PJA2: variants seen among roughly 807,000 people sequenced by gnomAD.
The protein encoded by PJA2 is praja ring finger ubiquitin ligase 2, also known as E3 ubiquitin-protein ligase Praja-2.
A neutral mutation model predicts 69.3 loss-of-function variants in PJA2; 25 were observed. The observed-to-expected ratio is 0.36, with a 90% CI of 0.26 to 0.50. The LOEUF is 0.50. PJA2 is among the 20% of genes least tolerant of loss of function. The pLI, the probability that PJA2 is intolerant of heterozygous loss-of-function variation, is 0.96. For synonymous variants in PJA2, 308 were observed against 277.8 expected, an observed-to-expected ratio of 1.11 and a Z score of -1.08; for missense variants, 809 against 830.2, an observed-to-expected ratio of 0.97 and a Z score of 0.31.
At chr5:109,369,043 G>A (rs1463599459) in intron 4 of PJA2, among the ~76,000 whole-genome samples, 1 of 152,062 alleles carries the variant, frequency 6.6e-6, no homozygotes, top group Non-Finnish European at 1.5e-5. Context: ...ACCTGCTCCT[G>A]CCAAGTGAGA....
intron 1 of PJA2, among the ~76,000 whole-genome samples, chr5:109,403,281 G>A (rs1747603742): frequency 6.6e-6 from 1 of 152,068 alleles, no homozygotes; most frequent in Non-Finnish European, 1.5e-5. Context: ...CGCTCACTTA[G>A]TGAGTGAAAG....
chr5:109,344,100 CAAAAA>C (rs916556182), intron 9 of PJA2, 85 bp downstream of exon 9: 1,079 of 397,222 alleles, frequency 2.7e-3, no homozygotes, highest in South Asian at 4.4e-3. Flanking sequence ...TTTGTCTCAC[CAAAAA>C]AAAAAAAAAA....
At chr5:109,389,361 T>C (rs1251641664) in intron 1 of PJA2, among the ~76,000 whole-genome samples, 4 of 152,140 alleles carry the variant, frequency 2.6e-5, no homozygotes, top group East Asian at 1.9e-4. Flanking sequence ...TTTCTTTATA[T>C]GTCAGCTGAC....
At chr5:109,396,870 A>C (rs925068504) in intron 1 of PJA2, among the ~76,000 whole-genome samples, 16 of 152,144 alleles carry the variant, frequency 1.1e-4, no homozygotes, top group African/African-American at 3.6e-4. Context: ...AAAGTCTACT[A>C]AAGAAAGTGA....
Position 109,381,809 on chromosome 5 carries a change from T to C in PJA2, c.32-106A>G, listed in dbSNP as rs1007587070. On this transcript the variant is annotated intron_variant, in intron 2 of 9. Transcript: ENST00000361189. ...TTATATTTTATTATTTATCAAATCA[T>C]ATGCTTCTGAACATGAAGTGTACCT... 6.7e-6 allele frequency: 6 copies of C among 894,914 alleles called. No homozygotes were observed. In the African/African-American group the frequency reaches 6.7e-5, roughly 10 times the overall value. The allele number at this position is 894,914 out of a possible 1,614,324, so 55.4% of individuals were successfully genotyped here. A position where few individuals can be genotyped will look rare whatever the true frequency, so the allele number is the denominator to read the frequency against.
At chr5:109,346,925 T>C (rs1762180216) in intron 7 of PJA2, among the ~76,000 whole-genome samples, 2 of 152,236 alleles carry the variant, frequency 1.3e-5, no homozygotes, top group African/African-American at 2.4e-5. Flanking sequence ...TTCTGCCTGA[T>C]AGCTTAGCTA....
At chr5:109,344,129 T>A in intron 9 of PJA2, 61 bp downstream of exon 9, 1 of 1,034,076 alleles carries the variant, frequency 9.7e-7, no homozygotes, top group Non-Finnish European at 1.3e-6. Context: ...AAGATACTAT[T>A]ATTCACTTGC....
chr5:109,403,185 T>A (rs926015116), intron 1 of PJA2, among the ~76,000 whole-genome samples: 3 of 152,102 alleles, frequency 2.0e-5, no homozygotes, highest in African/African-American at 7.2e-5. Context: ...CTACAGACGT[T>A]ATAGGCATTA....
intron 3 of PJA2, among the ~76,000 whole-genome samples, chr5:109,381,101 G>A (rs1057495875): frequency 2.0e-5 from 3 of 149,254 alleles, no homozygotes; most frequent in African/African-American, 7.4e-5. Flanking sequence ...GCAACAGAAC[G>A]TGACTCCATC....
chr5:109,355,591 C>G (rs145817513), intron 7 of PJA2, among the ~76,000 whole-genome samples: 191 of 152,264 alleles, frequency 1.3e-3, no homozygotes, highest in African/African-American at 4.4e-3. Context: ...CTGCATTTCA[C>G]AAATACACCT....
intron 1 of PJA2, among the ~76,000 whole-genome samples, chr5:109,394,775 A>G (rs1480096793): frequency 6.6e-6 from 1 of 152,244 alleles, no homozygotes; most frequent in Non-Finnish European, 1.5e-5. Context: ...AACATTAGAG[A>G]ATAAGAAACA....
rs1477627225 is a variant in PJA2 at position 109,344,644 on chromosome 5, T to C, written c.1879+61A>G. ...TCAAGTATTTAATTATCTAGGTATA[T>C]TGATAATATACTTAAATGTACAATG... is the stretch of plus-strand genomic sequence containing the variant. On this transcript the variant is annotated intron_variant, in intron 8 of 9. Coordinates refer to ENST00000361189, the MANE Select transcript of PJA2 (RefSeq NM_014819.5). 18 of 1,106,024 alleles carry C rather than the reference T, an allele frequency of 1.6e-5. No homozygotes were observed. The East Asian group carries it at 1.9e-4, about 12-fold the overall frequency. 68.5% of individuals were successfully genotyped at this position (1,106,024 alleles called of 1,614,324 possible).
At chr5:109,399,656 A>T (rs772649298) in intron 1 of PJA2, among the ~76,000 whole-genome samples, 6 of 152,198 alleles carry the variant, frequency 3.9e-5, no homozygotes, top group African/African-American at 7.2e-5. Flanking sequence ...CAGACATAAG[A>T]ATTATTTGCC....
At chr5:109,354,904 C>T (rs1762387346) in intron 7 of PJA2, among the ~76,000 whole-genome samples, 1 of 151,816 alleles carries the variant, frequency 6.6e-6, no homozygotes, top group Admixed American at 6.6e-5. Flanking sequence ...TGCTTCAGGG[C>T]AGGAGTTTGA....
At chr5:109,367,501 A>G (rs1762605257) in intron 5 of PJA2, among the ~76,000 whole-genome samples, 1 of 152,138 alleles carries the variant, frequency 6.6e-6, no homozygotes, top group Non-Finnish European at 1.5e-5. Flanking sequence ...ATAAAACAAG[A>G]GGCCTAGATG....
chr5:109,336,723 T>A lies in PJA2; in HGVS notation c.*508A>T, dbSNP rs923265140. ...GTTCTAATTTTAAACAAAAATGGAC[T>A]TTCTGAAAAATTTCTCAGCATATGA... is the stretch of plus-strand genomic sequence containing the variant. On this transcript the variant is annotated 3_prime_UTR_variant, in exon 10 of 10. Transcript: ENST00000361189. 1.3e-5 allele frequency: 2 copies of A among 152,206 alleles called. No homozygotes were observed. The highest frequency in any genetic ancestry group is 4.8e-5 in the African/African-American group (2 of 41,452). The allele number at this position is 152,206 out of a possible 1,614,324, so 9.4% of individuals were successfully genotyped here.
At chr5:109,358,181 G>C (rs769329900) in intron 6 of PJA2, among the ~76,000 whole-genome samples, 1 of 152,196 alleles carries the variant, frequency 6.6e-6, no homozygotes, top group East Asian at 1.9e-4. Flanking sequence ...TGGGTTTACC[G>C]TTTACAGGAA....
chr5:109,408,089 T>C (rs372297482), intron 1 of PJA2, among the ~76,000 whole-genome samples: 176 of 152,302 alleles, frequency 1.2e-3, no homozygotes, highest in African/African-American at 4.1e-3. Context: ...CATAATCTTT[T>C]AACTGAGCAA....
At chr5:109,366,869 T>C (rs2127000721) in intron 5 of PJA2, among the ~76,000 whole-genome samples, 1 of 152,278 alleles carries the variant, frequency 6.6e-6, no homozygotes, top group Middle Eastern at 3.4e-3. Flanking sequence ...TGCTGGCTCA[T>C]GCCTGTAATC....
Sources: gnomAD v4.1 joint callset for allele counts (sites outside exome capture counted in the v4.1 genomes callset) on GRCh38, gnomAD v4.1.1 for gene constraint, MANE v1.5 for transcripts, NCBI Gene and HGNC (gene_info 2026-07-23, HGNC 2026-07-21) for gene names.